RAB40B: variants seen among roughly 807,000 people sequenced by gnomAD.
RAB40B encodes RAB40B, member RAS oncogene family.
Under a neutral mutation model 24.0 loss-of-function variants are expected in RAB40B, and 21 were observed. The ratio of observed to expected loss-of-function variants is 0.88; its 90% confidence interval spans 0.62 to 1.26. RAB40B has a LOEUF of 1.26. Ranked by LOEUF, RAB40B falls within the 50% of genes most tolerant of loss-of-function variation. RAB40B has a pLI of 0.00. For synonymous variants in RAB40B, 167 were observed against 169.8 expected (o/e 0.98, Z 0.13); for missense variants, 348 against 390.5 (o/e 0.89, Z 0.92).
Position 82,657,777 on chromosome 17 carries a change from G to A in RAB40B, c.*86C>T, listed in dbSNP as rs761720148. 2.1e-5 allele frequency: 31 copies of A among 1,470,750 alleles called. No homozygotes were observed. The highest frequency in any genetic ancestry group is 2.8e-5 in the African/African-American group (2 of 71,950). The allele number at this position is 1,470,750 out of a possible 1,614,324, so 91.1% of individuals were successfully genotyped here. The stretch of plus-strand genomic sequence containing the variant: ...CAAGCAGCATTCGCCGAGAGGAACC[G>A]GGATCTGAGATGCATCCACCAGCTG... On this transcript the variant is annotated 3_prime_UTR_variant, in exon 6 of 6. Coordinates refer to ENST00000571995, the MANE Select transcript of RAB40B (RefSeq NM_006822.3).
intron 4 of RAB40B, 151 bp from the exon 5 acceptor site, chr17:82,658,864 G>C: frequency 4.5e-6 from 3 of 672,328 alleles, no homozygotes; most frequent in Non-Finnish European, 7.6e-6. Flanking sequence ...GACCGTCTTT[G>C]CAGACGTAAA....
At position 82,674,475 on chromosome 17, in the gene RAB40B, CAA is replaced by C. The variant is rs372664626; in HGVS notation, c.143-9921_143-9920del. On this transcript the variant is annotated intron_variant, in intron 1 of 5. Coordinates refer to ENST00000571995, the MANE Select transcript of RAB40B (RefSeq NM_006822.3). Reference sequence around the variant, plus strand: ...TGAAACCCCGTCTCTAGTAAAAATACAAAAAAAAAAAAAATTAGCCGGGTGTG... The same window carrying C: ...TGAAACCCCGTCTCTAGTAAAAATACAAAAAAAAAAAATTAGCCGGGTGTG... Among the ~76,000 whole-genome samples the C allele has an allele frequency of 1.2e-3, 168 of 142,202 alleles. 1 individual carries two copies. The highest frequency in any genetic ancestry group is 1.3e-3 in the Admixed American group (18 of 14,358). 93.3% of individuals were successfully genotyped at this position (142,202 alleles called of 152,430 possible).
At chr17:82,690,609 T>C (rs138907807) in intron 1 of RAB40B, among the ~76,000 whole-genome samples, 1 of 146,938 alleles carries the variant, frequency 6.8e-6, no homozygotes, top group East Asian at 2.1e-4. Context: ...CAGGGGAAGA[T>C]CTGCAGAATT....
At chr17:82,678,696 G>A (rs1363180041) in intron 1 of RAB40B, among the ~76,000 whole-genome samples, 2 of 152,142 alleles carry the variant, frequency 1.3e-5, no homozygotes, top group Non-Finnish European at 1.5e-5. Flanking sequence ...AAGCAGACTG[G>A]CGGTCCCCGG....
intron 1 of RAB40B, among the ~76,000 whole-genome samples, chr17:82,687,161 C>T (rs1460747286): frequency 6.6e-6 from 1 of 151,542 alleles, no homozygotes; most frequent in African/African-American, 2.4e-5. Context: ...GCAATTTGAA[C>T]CCGTGAGTGT....
intron 1 of RAB40B, among the ~76,000 whole-genome samples, chr17:82,676,777 G>A (rs1055518803): frequency 6.6e-6 from 1 of 151,886 alleles, no homozygotes; most frequent in Non-Finnish European, 1.5e-5. Context: ...ACAGATGCCC[G>A]CCATCACACC....
chr17:82,689,008 C>A (rs545036295), intron 1 of RAB40B, among the ~76,000 whole-genome samples: 1 of 152,328 alleles, frequency 6.6e-6, no homozygotes, highest in African/African-American at 2.4e-5. Context: ...CCTTTGGATG[C>A]TGTTGTTCTT....
intron 1 of RAB40B, among the ~76,000 whole-genome samples, chr17:82,695,155 G>A (rs1247325740): frequency 6.6e-6 from 1 of 151,362 alleles, no homozygotes; most frequent in Non-Finnish European, 1.5e-5. Flanking sequence ...GAAATGGAGT[G>A]TGGAGTTACG....
intron 3 of RAB40B, 165 bp from the exon 4 acceptor site, chr17:82,659,822 G>A (rs1394753133): frequency 1.6e-6 from 1 of 622,192 alleles, no homozygotes; most frequent in African/African-American, 1.8e-5. Context: ...CATTTTCAGT[G>A]ATATTTCATA....
Position 82,658,013 on chromosome 17 carries a change from G to T in RAB40B, c.687C>A (p.Asn229Lys). 1.9e-6 allele frequency: 3 copies of T among 1,614,224 alleles called. No individual in the cohort carries two copies. Among genetic ancestry groups the T allele is most frequent in the Non-Finnish European group, 1.7e-6 (2 of 1,180,052 alleles). ...CGTGCATCATCCTGGCATTCAGGCC[G>T]TTGGCCATCGAGAAGGACTTGAGGT... The part of the protein sequence containing the change: ...RSHLKSFSMA[N>K]GLNARMMHGG... Residue 229 changes from asparagine (N) to lysine (K), a missense_variant, in exon 6 of 6, where the codon AAC becomes AAA. Physicochemically the swap from Asn to Lys is moderately conservative, Grantham distance 94. Coordinates refer to ENST00000571995, the MANE Select transcript of RAB40B (RefSeq NM_006822.3).
In RAB40B at chr17:82,667,175, C is replaced by A. The variant is rs1241512470; in HGVS notation, c.143-2619G>T. 6.6e-6 allele frequency among the ~76,000 whole-genome samples: 1 copy of A among 152,242 alleles called. No homozygotes were observed. Among genetic ancestry groups the A allele is most frequent in the Admixed American group, 6.5e-5 (1 of 15,290 alleles). ...ACGGTTCTCAAGCAGCTTCTGCCCC[C>A]TCGAAGGGTCTAGAACCCTTGGACT... is the stretch of plus-strand genomic sequence containing the variant. On this transcript the variant is annotated intron_variant, in intron 1 of 5. Coordinates refer to ENST00000571995, the MANE Select transcript of RAB40B (RefSeq NM_006822.3). This position sits in a 1 kb window ranked among gnomAD's most constrained non-coding sequence, Gnocchi z 4.3.
chr17:82,667,323 C>T lies in RAB40B; in HGVS notation c.143-2767G>A, dbSNP rs1025750248. Among the ~76,000 whole-genome samples, 74 of 152,358 alleles carry T rather than the reference C, an allele frequency of 4.9e-4. No individual in the cohort carries two copies. The highest frequency in any genetic ancestry group is 4.1e-3 in the Admixed American group (63 of 15,308). On this transcript the variant is annotated intron_variant, in intron 1 of 5. Coordinates refer to ENST00000571995, the MANE Select transcript of RAB40B (RefSeq NM_006822.3). This position sits in a 1 kb window ranked among gnomAD's most constrained non-coding sequence, Gnocchi z 4.3. Reference sequence around the variant, plus strand: ...CTCCCACTTGGCTTGGACAGCTGGTCGCCCACATCTTCAGGCAGGCCTGGG... The same window carrying T: ...CTCCCACTTGGCTTGGACAGCTGGTTGCCCACATCTTCAGGCAGGCCTGGG...
intron 2 of RAB40B, among the ~76,000 whole-genome samples, chr17:82,661,606 G>A (rs1476967860): frequency 2.6e-5 from 4 of 152,092 alleles, no homozygotes. Context: ...CAAATGAAAG[G>A]CCGGGCTTGG....
In RAB40B at chr17:82,657,061, C is replaced by T. The variant is rs937582298; in HGVS notation, c.*802G>A. The stretch of plus-strand genomic sequence containing the variant: ...TACAAAATTCGAAAGAACCGGTCGC[C>T]AACTCTACCAAGAGAGAAACAACTA... On this transcript the variant is annotated 3_prime_UTR_variant, in exon 6 of 6. Transcript: ENST00000571995. The T allele has an allele frequency of 2.0e-5, 3 of 152,334 alleles. No individual in the cohort carries two copies. Among genetic ancestry groups the T allele is most frequent in the Non-Finnish European group, 2.9e-5 (2 of 68,096 alleles). The allele number at this position is 152,334 out of a possible 1,614,324, so 9.4% of individuals were successfully genotyped here. A position where few individuals can be genotyped will look rare whatever the true frequency, so the allele number is the denominator to read the frequency against.
chr17:82,658,823 C>G (rs2046123070), intron 4 of RAB40B, 110 bp from the exon 5 acceptor site: 1 of 951,102 alleles, frequency 1.1e-6, no homozygotes, highest in Admixed American at 2.8e-5. Flanking sequence ...CATGTCCACC[C>G]AGAACCTCAG....
chr17:82,662,447 C>T lies in RAB40B; in HGVS notation c.204-1400G>A, dbSNP rs938569470. On this transcript the variant is annotated intron_variant, in intron 2 of 5. Transcript: ENST00000571995. ...AGCACTCCCTCCTCAGCTGGGACAA[C>T]GTGCCGGCCTCCTGGGCCGCTGCCA... The T allele has an allele frequency of 4.5e-5, 44 of 985,462 alleles. No individual in the cohort carries two copies. The African/African-American group carries it at 6.6e-4, about 15-fold the overall frequency. 61.0% of individuals were successfully genotyped at this position (985,462 alleles called of 1,614,324 possible). A position where few individuals can be genotyped will look rare whatever the true frequency, so the allele number is the denominator to read the frequency against.
intron 1 of RAB40B, among the ~76,000 whole-genome samples, chr17:82,678,481 A>G (rs2046416861): frequency 6.6e-6 from 1 of 152,266 alleles, no homozygotes; most frequent in South Asian, 2.1e-4. Context: ...TTGGAGCTGC[A>G]TAATGAGTAA....
At position 82,657,379 on chromosome 17, in the gene RAB40B, C is replaced by G; in HGVS notation, c.*484G>C. ...ACACAAACTGGACAGATCAGTTGCA[C>G]ATAACCTCTACATCTGCAGCGTTTT... On this transcript the variant is annotated 3_prime_UTR_variant, in exon 6 of 6. Coordinates refer to ENST00000571995, the MANE Select transcript of RAB40B (RefSeq NM_006822.3). 3.5e-6 allele frequency: 1 copy of G among 289,226 alleles called. No individual in the cohort carries two copies. The highest frequency in any genetic ancestry group is 3.3e-5 in the South Asian group (1 of 30,630). 17.9% of individuals were successfully genotyped at this position (289,226 alleles called of 1,614,324 possible). A position where few individuals can be genotyped will look rare whatever the true frequency, so the allele number is the denominator to read the frequency against.
chr17:82,666,995 G>C (rs1460928731), intron 1 of RAB40B, among the ~76,000 whole-genome samples: 2 of 152,216 alleles, frequency 1.3e-5, no homozygotes, highest in African/African-American at 4.8e-5. Flanking sequence ...CTGAGAGGCC[G>C]AGGGGAGAAG....
Sources: gnomAD v4.1 joint callset for allele counts (sites outside exome capture counted in the v4.1 genomes callset) on GRCh38, gnomAD v4.1.1 for gene constraint, Gnocchi (gnomAD v3.1) non-coding constraint, MANE v1.5 for transcripts, NCBI Gene and HGNC (gene_info 2026-07-23, HGNC 2026-07-21) for gene names.